TENM3: variants seen among roughly 807,000 people sequenced by gnomAD.
TENM3 encodes the protein teneurin-3.
A neutral mutation model predicts 255.1 loss-of-function variants in TENM3; 63 were observed. The ratio of observed to expected loss-of-function variants is 0.25; its 90% confidence interval spans 0.20 to 0.30. The LOEUF is 0.30. Among genes scored for constraint, TENM3 ranks in the 10% least tolerant of loss-of-function variants. TENM3 has a pLI of 1.00. For missense variants in TENM3, 2,929 were observed against 3,461.1 expected, an observed-to-expected ratio of 0.85 and a Z score of 3.86; for synonymous variants, 1,306 against 1,322.3, an observed-to-expected ratio of 0.99 and a Z score of 0.27.
intron 3 of TENM3, among the ~76,000 whole-genome samples, chr4:182,468,506 A>T (rs1732804337): frequency 6.6e-6 from 1 of 152,162 alleles, no homozygotes; most frequent in Non-Finnish European, 1.5e-5. Flanking sequence ...GATTTTTTTT[A>T]GTTCTGAAAT....
chr4:182,738,130 A>C (rs533783427), intron 17 of TENM3, among the ~76,000 whole-genome samples: 1 of 152,052 alleles, frequency 6.6e-6, no homozygotes, highest in Admixed American at 6.6e-5. Flanking sequence ...TCTGGACTTT[A>C]TTTTGTGCTG....
chr4:182,252,117 A>T (rs1213341805), intron 1 of TENM3, among the ~76,000 whole-genome samples: 6 of 151,822 alleles, frequency 4.0e-5, no homozygotes, highest in African/African-American at 9.7e-5. Flanking sequence ...CAAGAGGTGG[A>T]GGTTGCAGTG....
chr4:182,335,856 A>C (rs7669247), intron 2 of TENM3, among the ~76,000 whole-genome samples: 2 of 151,994 alleles, frequency 1.3e-5, no homozygotes, highest in Admixed American at 6.6e-5. Context: ...AAACAGCCCA[A>C]TGGGAAATGG....
At chr4:182,526,153 T>G (rs542581254) in intron 3 of TENM3, among the ~76,000 whole-genome samples, 1 of 152,118 alleles carries the variant, frequency 6.6e-6, no homozygotes, top group African/African-American at 2.4e-5. Context: ...CTGATTTTTT[T>G]GTATTTTTAG....
At chr4:182,075,341 G>A in the TENM3 span, among the ~76,000 whole-genome samples, 3,293 of 151,802 alleles carry the variant, frequency 0.022, 214 homozygotes, top group East Asian at 0.26. Context: ...TGGGACTACA[G>A]GCACATGTCA....
the TENM3 span, among the ~76,000 whole-genome samples, chr4:181,450,207 G>A: frequency 2.6e-5 from 4 of 152,060 alleles, no homozygotes; most frequent in Admixed American, 6.6e-5. Flanking sequence ...TGATTTCGCC[G>A]TAGCAACATT....
intron 1 of TENM3, among the ~76,000 whole-genome samples, chr4:182,214,203 A>G (rs1755279717): frequency 6.6e-6 from 1 of 152,204 alleles, no homozygotes; most frequent in African/African-American, 2.4e-5. Context: ...GAAGCATAAT[A>G]CATCACTTGT....
the TENM3 span, among the ~76,000 whole-genome samples, chr4:181,584,977 C>T: frequency 2.2e-5 from 3 of 138,738 alleles, no homozygotes; most frequent in Non-Finnish European, 3.0e-5. Flanking sequence ...ATTGAGGAAG[C>T]GATGCAACAT....
intron 1 of TENM3, among the ~76,000 whole-genome samples, chr4:182,290,977 C>G (rs569522627): frequency 4.6e-5 from 7 of 152,096 alleles, no homozygotes; most frequent in African/African-American, 1.7e-4. Flanking sequence ...CGCACCACCA[C>G]GCCTGGCTAA....
chr4:182,748,666 A>T (rs1381354845), intron 19 of TENM3, among the ~76,000 whole-genome samples: 1 of 152,028 alleles, frequency 6.6e-6, no homozygotes, highest in Non-Finnish European at 1.5e-5. Flanking sequence ...CCCTCTTTTC[A>T]TTTAGGAGAG....
chr4:182,761,424 AAAAGAAG>A (rs1366586569), intron 22 of TENM3, among the ~76,000 whole-genome samples: 2 of 93,414 alleles, frequency 2.1e-5, no homozygotes, highest in Non-Finnish European at 4.3e-5. Flanking sequence ...CATCCCAAAA[AAAAGAAG>A]AAGAATTAGA....
At chr4:182,295,440 T>A (rs537076099) in intron 1 of TENM3, among the ~76,000 whole-genome samples, 14 of 151,960 alleles carry the variant, frequency 9.2e-5, no homozygotes, top group Admixed American at 2.6e-4. Flanking sequence ...GCTAATTTTT[T>A]AAATTTTTAT....
At chr4:182,555,551 T>G (rs1028093927) in intron 3 of TENM3, among the ~76,000 whole-genome samples, 1 of 152,138 alleles carries the variant, frequency 6.6e-6, no homozygotes. Flanking sequence ...GGTGATGAAA[T>G]TTTGGCCTGG....
At chr4:181,755,100 A>C in the TENM3 span, among the ~76,000 whole-genome samples, 1 of 152,170 alleles carries the variant, frequency 6.6e-6, no homozygotes, top group Non-Finnish European at 1.5e-5. Flanking sequence ...CCAAGATGCC[A>C]GTAAATTAAA....
the TENM3 span, among the ~76,000 whole-genome samples, chr4:181,634,263 G>A: frequency 6.6e-6 from 1 of 152,018 alleles, no homozygotes; most frequent in Non-Finnish European, 1.5e-5. Flanking sequence ...AGTTCGCCCT[G>A]TGTAAGAAAT....
the TENM3 span, among the ~76,000 whole-genome samples, chr4:182,029,171 A>G: frequency 2.6e-5 from 4 of 152,106 alleles, no homozygotes; most frequent in Non-Finnish European, 5.9e-5. Context: ...TTTGCACATC[A>G]CATGGCAAAA....
rs767248692 is a variant in TENM3, at chr4:182,753,622, G to A, written c.4017+18G>A. On this transcript the variant is annotated intron_variant, in intron 21 of 27. Coordinates refer to ENST00000511685, the MANE Select transcript of TENM3 (RefSeq NM_001080477.4). ...TCAGCCAGGTAGTTAAATACTAAGC[G>A]GACTTGTTTGTTTTTCCTCTAGGTG... The A allele has an allele frequency of 4.6e-5, 74 of 1,609,970 alleles. No individual in the cohort carries two copies. Among genetic ancestry groups the A allele is most frequent in the East Asian group, 4.5e-4 (20 of 44,778 alleles).
Position 182,736,974 on chromosome 4 carries a change from T to C in TENM3, c.3134T>C (p.Phe1045Ser), listed in dbSNP as rs201945882. Residue 1045 changes from phenylalanine to serine, a missense_variant, in exon 17 of 28, where the codon TTC (phenylalanine) becomes TCC (serine). By Grantham distance (155) the Phe-to-Ser change is radical. Coordinates refer to ENST00000511685, the MANE Select transcript of TENM3 (RefSeq NM_001080477.4). Reference protein sequence around the residue: ...HLMVAVVGRLFQKWFPASPNL... With the variant: ...HLMVAVVGRLSQKWFPASPNL... ...ATGGTAGCTGTAGTAGGAAGACTCTTCCAAAAGTGGTTTCCTGCCTCACCA... is the reference window on the plus strand; with the variant it reads ...ATGGTAGCTGTAGTAGGAAGACTCTCCCAAAAGTGGTTTCCTGCCTCACCA... The C allele has an allele frequency of 4.4e-5, 71 of 1,613,890 alleles. No homozygotes were observed. The highest frequency in any genetic ancestry group is 5.6e-5 in the Non-Finnish European group (66 of 1,179,826).
chr4:182,472,718 T>TA (rs1295419219), intron 3 of TENM3, among the ~76,000 whole-genome samples: 1 of 138,476 alleles, frequency 7.2e-6, no homozygotes, highest in African/African-American at 2.7e-5. Context: ...AATAAATTGT[T>TA]ATATCACAAT....
Sources: allele counts gnomAD v4.1 joint callset (sites outside exome capture counted in the v4.1 genomes callset), GRCh38; gene constraint gnomAD v4.1.1; transcripts MANE v1.5; gene names NCBI Gene and HGNC (gene_info 2026-07-23, HGNC 2026-07-21).